HTR1E: variants seen among roughly 807,000 people sequenced by gnomAD.
HTR1E encodes the protein 5-HT-1E.
Under a neutral mutation model 3.4 loss-of-function variants are expected in HTR1E, and 3 were observed. The observed-to-expected ratio is 0.89, with a 90% CI of 0.41 to 2.31. The LOEUF (loss-of-function observed/expected upper bound fraction) is 2.31. Among genes scored for constraint, HTR1E ranks in the 30% most tolerant of loss-of-function variants. The pLI is 0.05. For missense variants in HTR1E, 392 were observed against 467.0 expected (o/e 0.84, Z 1.48); for synonymous variants, 170 against 182.8 (o/e 0.93, Z 0.56).
At chr6:86,994,359 A>T (rs1293622620) in intron 1 of HTR1E, among the ~76,000 whole-genome samples, 1 of 152,154 alleles carries the variant, frequency 6.6e-6, no homozygotes, top group Non-Finnish European at 1.5e-5. Flanking sequence ...TTAAAGACAA[A>T]CAAAAAATCT....
At chr6:86,993,586 A>G (rs547520863) in intron 1 of HTR1E, among the ~76,000 whole-genome samples, 2 of 150,966 alleles carry the variant, frequency 1.3e-5, no homozygotes, top group East Asian at 3.9e-4. Context: ...AAAAAAAGTG[A>G]CTCTATCTCC....
At chr6:86,968,318 T>C (rs1767503308) in intron 1 of HTR1E, among the ~76,000 whole-genome samples, 1 of 152,210 alleles carries the variant, frequency 6.6e-6, no homozygotes, top group Non-Finnish European at 1.5e-5. Context: ...AGTATATATG[T>C]AAGATAATTT....
chr6:87,015,092 G>A (rs1015205595), intron 1 of HTR1E, 58 bp from the exon 2 acceptor site: 2 of 335,428 alleles, frequency 6.0e-6, no homozygotes, highest in Admixed American at 9.5e-5. Flanking sequence ...CTATTTTCAT[G>A]TTTTCCAGGA....
At chr6:87,002,760 C>T (rs1296499802) in intron 1 of HTR1E, among the ~76,000 whole-genome samples, 1 of 152,178 alleles carries the variant, frequency 6.6e-6, no homozygotes, top group Non-Finnish European at 1.5e-5. Context: ...GAAAAGTTCT[C>T]CAAGTACCCA....
intron 1 of HTR1E, among the ~76,000 whole-genome samples, chr6:87,010,940 G>A (rs1018226473): frequency 1.3e-5 from 2 of 152,184 alleles, no homozygotes; most frequent in Non-Finnish European, 2.9e-5. Flanking sequence ...GATTTAACCC[G>A]TGAATTTTTT....
intron 1 of HTR1E, among the ~76,000 whole-genome samples, chr6:86,965,177 C>T (rs1417206159): frequency 2.0e-5 from 3 of 152,160 alleles, no homozygotes; most frequent in African/African-American, 4.8e-5. Flanking sequence ...GGGGCTCCTC[C>T]GTCCATCCTG....
chr6:86,982,518 C>T lies in HTR1E; in HGVS notation c.-185-32632C>T, dbSNP rs113659087. The stretch of plus-strand genomic sequence containing the variant: ...GAGGAGTGAGAATCCAGGAATGGGT[C>T]AGCCCTGAAGAGGGGTCTGGGGCAG... On this transcript the variant is annotated intron_variant, in intron 1 of 1. Coordinates refer to ENST00000305344, the MANE Select transcript of HTR1E (RefSeq NM_000865.3). 1.8e-3 allele frequency among the ~76,000 whole-genome samples: 279 copies of T among 152,324 alleles called. 2 individuals are homozygous for T. The highest frequency in any genetic ancestry group is 0.01 in the Middle Eastern group (3 of 294).
intron 1 of HTR1E, among the ~76,000 whole-genome samples, chr6:86,974,775 T>C (rs1767606262): frequency 6.6e-6 from 1 of 152,222 alleles, no homozygotes; most frequent in Non-Finnish European, 1.5e-5. Context: ...ATGGACTCAC[T>C]GTTTATTTTA....
At chr6:87,011,997 A>G (rs1376254167) in intron 1 of HTR1E, among the ~76,000 whole-genome samples, 1 of 152,092 alleles carries the variant, frequency 6.6e-6, no homozygotes, top group Non-Finnish European at 1.5e-5. Context: ...TGAAGAGTCT[A>G]TAATATTTTA....
chr6:86,942,046 T>C (rs1254242897), intron 1 of HTR1E, among the ~76,000 whole-genome samples: 3 of 152,186 alleles, frequency 2.0e-5, no homozygotes, highest in African/African-American at 7.2e-5. Flanking sequence ...CTAGCTACAA[T>C]AGCTTGCCTG....
chr6:87,001,846 ACTAT>A (rs1451172272), intron 1 of HTR1E, among the ~76,000 whole-genome samples: 1 of 152,218 alleles, frequency 6.6e-6, no homozygotes, highest in Non-Finnish European at 1.5e-5. Flanking sequence ...TCAAAAAAGA[ACTAT>A]CTATGAGACT....
chr6:86,938,360 C>T (rs1327317707), intron 1 of HTR1E, among the ~76,000 whole-genome samples: 1 of 152,116 alleles, frequency 6.6e-6, no homozygotes, highest in Non-Finnish European at 1.5e-5. Context: ...GGTAATGAGG[C>T]AGGCTCATTT....
chr6:86,975,918 G>GAC (rs57513474), intron 1 of HTR1E, among the ~76,000 whole-genome samples: 9,416 of 144,158 alleles, frequency 0.065, 330 homozygotes, highest in East Asian at 0.13. Context: ...CTCTCTCTGA[G>GAC]ACACACACAC....
chr6:86,996,614 T>C (rs1159896943), intron 1 of HTR1E, among the ~76,000 whole-genome samples: 1 of 151,888 alleles, frequency 6.6e-6, no homozygotes, highest in Non-Finnish European at 1.5e-5. Context: ...GATAAGAGAA[T>C]ACTAAGGACA....
chr6:86,985,415 G>A (rs1339078769), intron 1 of HTR1E, among the ~76,000 whole-genome samples: 1 of 152,022 alleles, frequency 6.6e-6, no homozygotes, highest in Non-Finnish European at 1.5e-5. Flanking sequence ...TGTGTATAGG[G>A]AACATCAAAA....
At chr6:86,956,148 C>T (rs908732450) in intron 1 of HTR1E, among the ~76,000 whole-genome samples, 1 of 152,106 alleles carries the variant, frequency 6.6e-6, no homozygotes, top group Non-Finnish European at 1.5e-5. Context: ...AAGTATTTTA[C>T]CCTGAAATAT....
intron 1 of HTR1E, among the ~76,000 whole-genome samples, chr6:87,011,794 T>A (rs925888065): frequency 6.6e-6 from 1 of 152,086 alleles, no homozygotes; most frequent in African/African-American, 2.4e-5. Flanking sequence ...CCATAGGAGA[T>A]TTATTAATAA....
chr6:87,016,025 AATTCTTTTG>A lies in HTR1E; in HGVS notation c.692_700del (p.Asn231_Ala234delinsThr). ...AAGCAACAGAAGCACAGATAGCCAG[AATTCTTTTG>A]CAAGTTGTAAACTTACACAGACTTT... On this transcript the variant is annotated inframe_deletion, in exon 2 of 2. Coordinates refer to ENST00000305344, the MANE Select transcript of HTR1E (RefSeq NM_000865.3). 1 of 1,614,158 alleles carries A rather than the reference AATTCTTTTG, an allele frequency of 6.2e-7. No homozygotes were observed.
chr6:86,960,772 T>C (rs1767393816), intron 1 of HTR1E, among the ~76,000 whole-genome samples: 1 of 152,220 alleles, frequency 6.6e-6, no homozygotes, highest in Admixed American at 6.5e-5. Flanking sequence ...TTTAGCCCTA[T>C]AGTTTCATGG....
Sources: allele counts gnomAD v4.1 joint callset (sites outside exome capture counted in the v4.1 genomes callset), GRCh38; gene constraint gnomAD v4.1.1; transcripts MANE v1.5; gene names NCBI Gene and HGNC (gene_info 2026-07-23, HGNC 2026-07-21).